The following LATS2 variants were observed in gnomAD, a reference collection of about 807,000 sequenced individuals.
The protein encoded by LATS2 is serine/threonine-protein kinase LATS2.
In LATS2, 24 loss-of-function variants were observed where a neutral mutation model predicts 76.0. The observed-to-expected ratio is 0.32, with a 90% CI of 0.23 to 0.44. The LOEUF is 0.44. Among genes scored for constraint, LATS2 ranks in the 20% least tolerant of loss-of-function variants. The pLI, the probability that LATS2 is intolerant of heterozygous loss-of-function variation, is 1.00. For synonymous variants in LATS2, 692 were observed against 635.4 expected (o/e 1.09, Z -1.34); for missense variants, 1,286 against 1,481.2 (o/e 0.87, Z 2.16).
chr13:21,010,291 T>A (rs879910207), intron 2 of LATS2, among the ~76,000 whole-genome samples: 5 of 152,046 alleles, frequency 3.3e-5, no homozygotes, highest in African/African-American at 4.8e-5. Context: ...CACACTGGCT[T>A]CAACTCTCCT....
At chr13:20,978,780 TAGAC>T (rs1045289231) in intron 7 of LATS2, among the ~76,000 whole-genome samples, 6 of 152,168 alleles carry the variant, frequency 3.9e-5, no homozygotes, top group African/African-American at 1.4e-4. Context: ...TTTTTTTCTT[TAGAC>T]AGAGTCTCAC....
At chr13:21,029,931 C>T (rs889504626) in intron 2 of LATS2, among the ~76,000 whole-genome samples, 15 of 152,016 alleles carry the variant, frequency 9.9e-5, no homozygotes, top group African/African-American at 3.6e-4. Context: ...CAAGACCAGC[C>T]TGGCCAACAT....
rs753049071 is a variant in LATS2 at position 20,989,040 on chromosome 13, G to A, written c.740C>T (p.Pro247Leu). ...CCGCCCGTAGTGCGCGCCCTGCAGC[G>A]GGAAGTGTGCCCCTGCTGCCTCTAC... Reference protein sequence around the residue: ...ASVEAAGAHFPLQGAHYGRPH... With the variant: ...ASVEAAGAHFLLQGAHYGRPH... Residue 247 changes from proline (P) to leucine (L), a missense_variant, in exon 4 of 8, where the codon CCG (proline) becomes CTG (leucine). Around this residue, in one of 5 missense-constraint regions of LATS2, gnomAD observed 710 missense variants for 660.9 expected, o/e 1.07. Transcript: ENST00000382592. 25 of 1,569,416 alleles carry A rather than the reference G, an allele frequency of 1.6e-5. No homozygotes were observed. Among genetic ancestry groups the A allele is most frequent in the Non-Finnish European group, 2.1e-5 (24 of 1,163,676 alleles).
At chr13:21,049,001 T>C (rs1873169237) in intron 1 of LATS2, among the ~76,000 whole-genome samples, 1 of 151,944 alleles carries the variant, frequency 6.6e-6, no homozygotes, top group African/African-American at 2.4e-5. Context: ...GAGAGATGCC[T>C]GGAGAATAAA....
chr13:21,057,425 A>G (rs1873481902), intron 1 of LATS2, among the ~76,000 whole-genome samples: 1 of 152,244 alleles, frequency 6.6e-6, no homozygotes, highest in Non-Finnish European at 1.5e-5. Context: ...GGCAAACATT[A>G]AACAATGCCA....
chr13:20,990,952 G>T (rs891111204), intron 3 of LATS2, among the ~76,000 whole-genome samples: 1 of 152,212 alleles, frequency 6.6e-6, no homozygotes, highest in African/African-American at 2.4e-5. Context: ...CCATTTTTAC[G>T]CCCGCTTTGC....
chr13:20,975,943 T>C (rs1356962098), intron 7 of LATS2, among the ~76,000 whole-genome samples: 1 of 152,214 alleles, frequency 6.6e-6, no homozygotes. Context: ...GTTATTTCTT[T>C]AGCTATGGCA....
intron 2 of LATS2, among the ~76,000 whole-genome samples, chr13:21,012,787 C>CA (rs1491197632): frequency 6.3e-5 from 5 of 79,778 alleles, no homozygotes; most frequent in Non-Finnish European, 1.3e-4. Context: ...TGAATCACAC[C>CA]CCCCCCCCAC....
At chr13:21,033,105 A>C (rs1872586810) in intron 2 of LATS2, among the ~76,000 whole-genome samples, 1 of 151,988 alleles carries the variant, frequency 6.6e-6, no homozygotes, top group South Asian at 2.1e-4. Context: ...GGGTGTTAGC[A>C]GCAAAGACAC....
chr13:21,018,013 C>T (rs1871877683), intron 2 of LATS2: 1 of 152,086 alleles, frequency 6.6e-6, no homozygotes, highest in Non-Finnish European at 1.5e-5. Context: ...TTAAAGCTAC[C>T]ATATGGAAGT....
At chr13:20,995,464 A>G (rs1870711501) in intron 2 of LATS2, among the ~76,000 whole-genome samples, 1 of 152,226 alleles carries the variant, frequency 6.6e-6, no homozygotes, top group African/African-American at 2.4e-5. Flanking sequence ...CTGCAAGCCA[A>G]CTGAAGGCGA....
At chr13:20,985,705 T>C (rs1870108943) in intron 4 of LATS2, among the ~76,000 whole-genome samples, 1 of 151,280 alleles carries the variant, frequency 6.6e-6, no homozygotes, top group Non-Finnish European at 1.5e-5. Flanking sequence ...ACCACTGCAC[T>C]CCAGCCTGGG....
chr13:21,045,508 G>A (rs1595255254), intron 2 of LATS2, among the ~76,000 whole-genome samples, 177 bp downstream of exon 2: 1 of 152,324 alleles, frequency 6.6e-6, no homozygotes, highest in Non-Finnish European at 1.5e-5. Context: ...AGAGAAGGTA[G>A]AGAACCTTCA....
intron 2 of LATS2, among the ~76,000 whole-genome samples, chr13:21,032,363 G>C (rs1324309217): frequency 6.6e-6 from 1 of 152,156 alleles, no homozygotes; most frequent in African/African-American, 2.4e-5. Context: ...CCTCCCCCGG[G>C]TTCAAGCAAT....
intron 4 of LATS2, 51 bp from the exon 5 acceptor site, chr13:20,983,857 G>A: frequency 7.1e-7 from 1 of 1,411,584 alleles, no homozygotes; most frequent in Non-Finnish European, 9.7e-7. Flanking sequence ...GAAGTCCCAT[G>A]ATAACAAATG....
Position 21,021,133 on chromosome 13 carries a change from T to C in LATS2, c.342+24552A>G, listed in dbSNP as rs114912732. Among the ~76,000 whole-genome samples the C allele has an allele frequency of 3.0e-3, 452 of 152,278 alleles. 1 individual carries two copies. Among genetic ancestry groups the C allele is most frequent in the African/African-American group, 0.01 (424 of 41,552 alleles). ...TGGTCAGTGAGTATCTAGGAGTTCA[T>C]TATTTCATTGTTTACTTGTGAATAT... On this transcript the variant is annotated intron_variant, in intron 2 of 7. Transcript: ENST00000382592.
At chr13:21,055,256 AT>A (rs1056036787) in intron 1 of LATS2, among the ~76,000 whole-genome samples, 12 of 152,158 alleles carry the variant, frequency 7.9e-5, no homozygotes, top group African/African-American at 2.9e-4. Flanking sequence ...CATACGGGAA[AT>A]TTTTCTTTCA....
chr13:21,017,063 T>G (rs1232268678), intron 2 of LATS2, among the ~76,000 whole-genome samples: 1 of 152,204 alleles, frequency 6.6e-6, no homozygotes, highest in African/African-American at 2.4e-5. Flanking sequence ...TCTTCATTAG[T>G]GCTTCTTACC....
chr13:21,035,048 T>C (rs377015028), intron 2 of LATS2, among the ~76,000 whole-genome samples: 2 of 136,320 alleles, frequency 1.5e-5, no homozygotes, highest in African/African-American at 2.5e-5. Flanking sequence ...CCGAGAAACA[T>C]AGCAAGACTC....
Sources: allele counts gnomAD v4.1 joint callset (sites outside exome capture counted in the v4.1 genomes callset), GRCh38; gene constraint gnomAD v4.1.1; regional missense constraint gnomAD v4.1.1; transcripts MANE v1.5; gene names NCBI Gene and HGNC (gene_info 2026-07-23, HGNC 2026-07-21).